DNAH10: variants seen among roughly 807,000 people sequenced by gnomAD.
The protein encoded by DNAH10 is axonemal beta dynein heavy chain 10.
A neutral mutation model predicts 506.6 loss-of-function variants in DNAH10; 348 were observed. The observed-to-expected ratio is 0.69, with a 90% CI of 0.63 to 0.75. The LOEUF (loss-of-function observed/expected upper bound fraction) is 0.75. Among genes scored for constraint, DNAH10 ranks in the 30% least tolerant of loss-of-function variants. The pLI is 0.00. For missense variants in DNAH10, 5,179 were observed against 5,787.1 expected (o/e 0.89, Z 3.41); for synonymous variants, 2,059 against 2,198.6 (o/e 0.94, Z 1.78).
intron 34 of DNAH10, among the ~76,000 whole-genome samples, chr12:123,849,596 C>A (rs1951082937): frequency 1.3e-5 from 2 of 152,196 alleles, no homozygotes; most frequent in African/African-American, 2.4e-5. Flanking sequence ...TGTCCTCCCC[C>A]CTCCATGCCC....
chr12:123,914,473 C>T lies in DNAH10; in HGVS notation c.10497C>T (p.Asp3499=), dbSNP rs772151270. The change falls in exon 61 of 79, where the codon GAC becomes GAT. Residue 3499 remains aspartate, a synonymous_variant. Transcript: ENST00000673944. ...DEMVNRIWQN[D]ILEREIPLSQ... is the part of the protein sequence containing the mutation. The stretch of plus-strand genomic sequence containing the variant: ...TGGTCAATCGGATTTGGCAAAATGA[C>T]ATCCTGGAGCGGGAGATCCCCCTGA... 9 of 1,613,704 alleles carry T rather than the reference C, an allele frequency of 5.6e-6. No individual in the cohort carries two copies. The highest frequency in any genetic ancestry group is 1.7e-5 in the Admixed American group (1 of 60,008).
At chr12:123,923,680 G>A (rs1022480173) in intron 65 of DNAH10, 83 bp from the exon 66 acceptor site, 15 of 875,332 alleles carry the variant, frequency 1.7e-5, no homozygotes, top group South Asian at 7.0e-5. Flanking sequence ...TTTATCTTAC[G>A]TTTAAGCACA....
intron 18 of DNAH10, among the ~76,000 whole-genome samples, chr12:123,806,380 C>G (rs772623548): frequency 1.3e-5 from 2 of 152,094 alleles, no homozygotes; most frequent in Admixed American, 6.6e-5. Context: ...GTGACTCGTC[C>G]GGGACCACAC....
chr12:123,866,065 C>T lies in DNAH10; in HGVS notation c.7159C>T (p.Pro2387Ser). The change falls in exon 41 of 79, where the codon CCA becomes TCA. Residue 2387 changes from proline to serine, a missense_variant. Coordinates refer to ENST00000673944, the MANE Select transcript of DNAH10 (RefSeq NM_001372106.1). ...CTGGAAAAAATGGGTTAATCAAATA[C>T]CAAACAAGGTGAAATTTTTTTCTAA... ...PYWKKWVNQI[P>S]NKVEQYNLNS... 6.2e-7 allele frequency: 1 copy of T among 1,603,226 alleles called. No homozygotes were observed.
Position 123,928,943 on chromosome 12 carries a change from C to T in DNAH10, c.12307-332C>T, listed in dbSNP as rs529511851. On this transcript the variant is annotated intron_variant, in intron 70 of 78. Transcript: ENST00000673944. This position sits in a 1 kb window ranked among gnomAD's most constrained non-coding sequence, Gnocchi z 4.9. The stretch of plus-strand genomic sequence containing the variant: ...TACATGCCCCATTTAATTTATTCTC[C>T]GGGAAATTCTTTTGGAAAGGTTTTG... 15 of 471,516 alleles carry T rather than the reference C, an allele frequency of 3.2e-5. No homozygotes were observed. The highest frequency in any genetic ancestry group is 1.6e-4 in the South Asian group (5 of 30,832). The allele number at this position is 471,516 out of a possible 1,614,324, so 29.2% of individuals were successfully genotyped here.
intron 53 of DNAH10, among the ~76,000 whole-genome samples, 192 bp downstream of exon 53, chr12:123,893,628 C>T (rs1167346370): frequency 6.6e-6 from 1 of 152,242 alleles, no homozygotes; most frequent in African/African-American, 2.4e-5. Context: ...GAGTGATGTC[C>T]CTCTGACAGG....
In DNAH10 at chr12:123,768,266, C is replaced by CT. The variant is rs1164645680; in HGVS notation, c.298+578dup. ...TCTCCTGCCTCAGCCTCCCAAGTAG[C>CT]TGCGATCTCAGGCGCCCACCACCAC... On this transcript the variant is annotated intron_variant, in intron 2 of 78. Transcript: ENST00000673944. Among the ~76,000 whole-genome samples the CT allele has an allele frequency of 2.0e-5, 3 of 152,092 alleles. 1 individual carries two copies. Among genetic ancestry groups the CT allele is most frequent in the Admixed American group, 2.0e-4 (3 of 15,266 alleles).
rs753869511 is a variant in DNAH10 at position 123,866,044 on chromosome 12, A to G, written c.7138A>G (p.Lys2380Glu). ...AAACTTGAAATATCGACCATACTGG[A>G]AAAAATGGGTTAATCAAATACCAAA... ...PKNLKYRPYW[K>E]KWVNQIPNKV... Residue 2380 changes from lysine to glutamate, a missense_variant, in exon 41 of 79, where the codon AAA becomes GAA. Coordinates refer to ENST00000673944, the MANE Select transcript of DNAH10 (RefSeq NM_001372106.1). 1.2e-6 allele frequency: 2 copies of G among 1,609,682 alleles called. No homozygotes were observed. The highest frequency in any genetic ancestry group is 2.2e-5 in the South Asian group (2 of 89,988).
chr12:123,850,976 A>G lies in DNAH10; in HGVS notation c.6191A>G (p.Glu2064Gly). 1 of 1,614,096 alleles carries G rather than the reference A, an allele frequency of 6.2e-7. No individual in the cohort carries two copies. Among genetic ancestry groups the G allele is most frequent in the Non-Finnish European group, 8.5e-7 (1 of 1,179,974 alleles). ...PGYAGRTELPESVKALFRPVV... is the reference protein window; with the variant it reads ...PGYAGRTELPGSVKALFRPVV... The stretch of plus-strand genomic sequence containing the variant: ...TACGCAGGCCGCACGGAGCTGCCCG[A>G]GTCGGTGAAGGCGCTGTTCAGGCCT... Residue 2064 changes from glutamate (E) to glycine (G), a missense_variant, in exon 35 of 79, where the codon GAG (glutamate) becomes GGG (glycine). This residue lies in a region of DNAH10 where 4,844 missense variants were observed against 5,430.5 expected (regional missense o/e 0.89). Coordinates refer to ENST00000673944, the MANE Select transcript of DNAH10 (RefSeq NM_001372106.1). The surrounding 1 kb of genome is among the most constrained non-coding windows in gnomAD (Gnocchi z 5.5).
rs775453594 is a variant in DNAH10 at position 123,788,019 on chromosome 12, G to A, written c.1620+17G>A. The A allele has an allele frequency of 6.4e-6, 10 of 1,554,504 alleles. No individual in the cohort carries two copies. Among genetic ancestry groups the A allele is most frequent in the Non-Finnish European group, 7.8e-6 (9 of 1,148,530 alleles). The stretch of plus-strand genomic sequence containing the variant: ...GTTCTGCAGGTAGGGGCTGGGCGAA[G>A]GCCGGCGGAATTTGCCCCGAAGAAG... On this transcript the variant is annotated intron_variant, in intron 10 of 78. Coordinates refer to ENST00000673944, the MANE Select transcript of DNAH10 (RefSeq NM_001372106.1).
At chr12:123,800,083 G>C (rs1958426026) in intron 14 of DNAH10, 133 bp from the exon 15 acceptor site, 1 of 744,094 alleles carries the variant, frequency 1.3e-6, no homozygotes, top group Non-Finnish European at 2.0e-6. Flanking sequence ...ATTCCAGCCA[G>C]TTCCAGCCAG....
At chr12:123,851,194 T>C (rs1418510614) in intron 35 of DNAH10, 118 bp downstream of exon 35, 4 of 1,114,174 alleles carry the variant, frequency 3.6e-6, no homozygotes, top group Non-Finnish European at 4.9e-6. Context: ...ACCTAGGATG[T>C]GTCAGCTCCA....
Position 123,813,747 on chromosome 12 carries a change from G to A in DNAH10, c.3622-7G>A, listed in dbSNP as rs754606654. 2.5e-6 allele frequency: 4 copies of A among 1,613,290 alleles called. No homozygotes were observed. Among genetic ancestry groups the A allele is most frequent in the Non-Finnish European group, 3.4e-6 (4 of 1,179,892 alleles). ...TTGCTTAGTGTTCTTTGTACTTTCT[G>A]TTATAGCACCTGGCCAAAAACCTTA... is the stretch of plus-strand genomic sequence containing the variant. On this transcript the variant is annotated splice_polypyrimidine_tract_variant and splice_region_variant and intron_variant, in intron 20 of 78. Transcript: ENST00000673944.
Position 123,839,315 on chromosome 12 carries a change from C to T in DNAH10, c.5136+626C>T, listed in dbSNP as rs370601284. On this transcript the variant is annotated intron_variant, in intron 29 of 78. Transcript: ENST00000673944. ...GTGGTTTAGCACATGGACTCTAGAA[C>T]CAGATTGCTGGGGTTCAAATCTTTG... is the stretch of plus-strand genomic sequence containing the variant. 1.1e-4 allele frequency among the ~76,000 whole-genome samples: 17 copies of T among 152,098 alleles called. No homozygotes were observed. In the East Asian group the frequency reaches 1.7e-3, roughly 16 times the overall value.
Position 123,928,366 on chromosome 12 carries a change from C to T in DNAH10, c.12106-21C>T. On this transcript the variant is annotated intron_variant, in intron 69 of 78. Transcript: ENST00000673944. The surrounding 1 kb of genome is among the most constrained non-coding windows in gnomAD (Gnocchi z 4.9). ...GGGTTTGGATGCCAACCCCTCTCCT[C>T]TTCCCTCTCCCCCGGCGCAGGTGGC... The T allele has an allele frequency of 6.4e-7, 1 of 1,565,884 alleles. No homozygotes were observed. The highest frequency in any genetic ancestry group is 8.7e-7 in the Non-Finnish European group (1 of 1,156,026).
At chr12:123,879,885 G>A (rs970646666) in intron 50 of DNAH10, 84 bp downstream of exon 50, 27 of 1,494,484 alleles carry the variant, frequency 1.8e-5, no homozygotes, top group African/African-American at 1.3e-4. Context: ...GCGGGTGCCC[G>A]GGAGCCTATC....
At chr12:123,921,785 C>T (rs538028489) in intron 65 of DNAH10, among the ~76,000 whole-genome samples, 3 of 143,710 alleles carry the variant, frequency 2.1e-5, no homozygotes, top group Admixed American at 7.1e-5. Context: ...GCGATCTTAG[C>T]TCACTGCAAC....
At chr12:123,904,272 A>G (rs543185362) in intron 57 of DNAH10, among the ~76,000 whole-genome samples, 11 of 152,262 alleles carry the variant, frequency 7.2e-5, no homozygotes, top group African/African-American at 2.6e-4. Flanking sequence ...CTTCAGCACT[A>G]GGCGTTGGAA....
chr12:123,798,738 AT>A (rs1958370944), intron 13 of DNAH10, among the ~76,000 whole-genome samples: 4 of 148,242 alleles, frequency 2.7e-5, no homozygotes, highest in Admixed American at 2.0e-4. Context: ...TTATATTAAC[AT>A]TTTTATTTAT....
Sources: gnomAD v4.1 joint callset for allele counts (sites outside exome capture counted in the v4.1 genomes callset) on GRCh38, gnomAD v4.1.1 for gene constraint, gnomAD v4.1.1 regional missense constraint, Gnocchi (gnomAD v3.1) non-coding constraint, MANE v1.5 for transcripts, NCBI Gene and HGNC (gene_info 2026-07-23, HGNC 2026-07-21) for gene names.